EFCAB6: variants seen among roughly 807,000 people sequenced by gnomAD.
The protein encoded by EFCAB6 is EF-hand calcium-binding domain-containing protein 6.
In EFCAB6, 156 loss-of-function variants were observed where a neutral mutation model predicts 169.8. The ratio of observed to expected loss-of-function variants is 0.92; its 90% CI spans 0.81 to 1.05. The LOEUF (loss-of-function observed/expected upper bound fraction) is 1.05, where lower values mean the gene tolerates loss of function less well. Among genes scored for constraint, EFCAB6 ranks in the 50% least tolerant of loss-of-function variants. The probability of loss-of-function intolerance (pLI) is 0.00; values close to 1 mark genes in which losing one functional copy is unlikely to be tolerated. For synonymous variants in EFCAB6, 698 were observed against 676.4 expected (o/e 1.03, Z -0.50); for missense variants, 1,800 against 1,829.1 (o/e 0.98, Z 0.29).
intron 9 of EFCAB6, among the ~76,000 whole-genome samples, chr22:43,715,897 A>G (rs1272132340): frequency 6.6e-6 from 1 of 152,198 alleles, no homozygotes; most frequent in Non-Finnish European, 1.5e-5. Context: ...CTGCATTGAC[A>G]TCCGTCTATT....
intron 17 of EFCAB6, among the ~76,000 whole-genome samples, chr22:43,662,360 G>A (rs1403586932): frequency 6.6e-6 from 1 of 151,986 alleles, no homozygotes. Context: ...TCCGGGGTAG[G>A]CAGCCACCCT....
intron 2 of EFCAB6, among the ~76,000 whole-genome samples, chr22:43,796,700 A>G (rs1474116632): frequency 2.6e-5 from 4 of 152,212 alleles, no homozygotes. Flanking sequence ...CCCAGCTCCT[A>G]TAAGCAGACA....
chr22:43,672,127 C>A lies in EFCAB6; in HGVS notation c.1486G>T (p.Glu496Ter), dbSNP rs1362738890. The A allele has an allele frequency of 6.2e-7, 1 of 1,613,098 alleles. No individual in the cohort carries two copies. Among genetic ancestry groups the A allele is most frequent in the East Asian group, 2.2e-5 (1 of 44,872 alleles). ...PFLLAWDSVEEIVHDTITRNL... is the reference protein window; with the variant it reads ...PFLLAWDSVE The stretch of plus-strand genomic sequence containing the variant: ...CTAGTAATTGTATCATGAACAATTT[C>A]TTCCACCTAACATTAAAAAACAAAC... The change falls in exon 15 of 32, where the codon GAA becomes TAA. Residue 496 changes from glutamate (E) to a stop codon, truncating the protein, a stop_gained. Coordinates refer to ENST00000262726, the MANE Select transcript of EFCAB6 (RefSeq NM_022785.4). LOFTEE classifies it high-confidence loss of function.
chr22:43,781,138 G>A (rs752574001), intron 3 of EFCAB6, among the ~76,000 whole-genome samples: 1 of 152,096 alleles, frequency 6.6e-6, no homozygotes, highest in African/African-American at 2.4e-5. Context: ...GTAAATGGAG[G>A]AACTAATACA....
At chr22:43,711,369 A>T in intron 10 of EFCAB6, 106 bp downstream of exon 10, 1 of 1,191,222 alleles carries the variant, frequency 8.4e-7, no homozygotes, top group Non-Finnish European at 1.1e-6. Context: ...TTAAATTTTC[A>T]GTAATAAAAA....
intron 10 of EFCAB6, among the ~76,000 whole-genome samples, chr22:43,693,059 A>T (rs1217856776): frequency 2.0e-5 from 3 of 152,196 alleles, no homozygotes; most frequent in African/African-American, 7.2e-5. Flanking sequence ...TCAAAACAAC[A>T]GAAGTGGAAA....
chr22:43,576,185 A>G, intron 26 of EFCAB6, 112 bp downstream of exon 26: 1 of 837,924 alleles, frequency 1.2e-6, no homozygotes, highest in Middle Eastern at 3.7e-4. Flanking sequence ...TGAGCTAATT[A>G]CATGAGGTGA....
intron 8 of EFCAB6, among the ~76,000 whole-genome samples, chr22:43,729,991 T>C (rs2059878763): frequency 6.6e-6 from 1 of 150,864 alleles, no homozygotes; most frequent in South Asian, 2.1e-4. Context: ...TGAGACCCTG[T>C]CTCTAGAATT....
At chr22:43,543,838 G>T (rs963705286) in intron 27 of EFCAB6, among the ~76,000 whole-genome samples, 2 of 152,156 alleles carry the variant, frequency 1.3e-5, no homozygotes, top group Non-Finnish European at 2.9e-5. Context: ...GCGCAGGAAT[G>T]CTGAGAAGAC....
intron 22 of EFCAB6, among the ~76,000 whole-genome samples, chr22:43,602,012 C>T (rs910943474): frequency 6.6e-5 from 10 of 152,250 alleles, no homozygotes; most frequent in African/African-American, 1.7e-4. Flanking sequence ...CGACGTCCTC[C>T]GCTACTTTGC....
In EFCAB6 at chr22:43,632,086, C is replaced by T. The variant is rs1053075317; in HGVS notation, c.2232+19G>A. ...AGGGGAGGCCTAGAGAAGCCCAGCG[C>T]CAGACAGTCACGGTTTACCCGGAAT... On this transcript the variant is annotated intron_variant, in intron 19 of 31. Coordinates refer to ENST00000262726, the MANE Select transcript of EFCAB6 (RefSeq NM_022785.4). The T allele has an allele frequency of 1.9e-6, 3 of 1,612,410 alleles. No individual in the cohort carries two copies. Among genetic ancestry groups the T allele is most frequent in the Admixed American group, 3.3e-5 (2 of 59,872 alleles).
intron 23 of EFCAB6, among the ~76,000 whole-genome samples, chr22:43,599,509 CAAAAAAAAAAAAAAAAAAAAAAAAAAAAA>C (rs58130994): frequency 2.3e-5 from 1 of 44,226 alleles, no homozygotes; most frequent in Non-Finnish European, 4.1e-5. Flanking sequence ...GATTCCATCT[CAAAAAAAAAAAAAAAAAAAAAAAAAAAAA>C]AAAAAAAAAA....
intron 27 of EFCAB6, among the ~76,000 whole-genome samples, chr22:43,547,614 A>G (rs1231100954): frequency 6.6e-6 from 1 of 152,020 alleles, no homozygotes; most frequent in African/African-American, 2.4e-5. Context: ...AAACCATAAA[A>G]ATAAGCTGAG....
chr22:43,758,895 A>C (rs2061051117), intron 5 of EFCAB6, among the ~76,000 whole-genome samples: 1 of 152,232 alleles, frequency 6.6e-6, no homozygotes, highest in African/African-American at 2.4e-5. Context: ...AGAGGCATAC[A>C]AATTCAAGAT....
intron 6 of EFCAB6, among the ~76,000 whole-genome samples, chr22:43,746,819 T>C (rs1336283493): frequency 1.3e-5 from 2 of 152,224 alleles, no homozygotes; most frequent in East Asian, 3.8e-4. Flanking sequence ...TTCCTTTCTT[T>C]CTTACCCAGC....
At chr22:43,737,029 C>T (rs2060165914) in intron 6 of EFCAB6, among the ~76,000 whole-genome samples, 1 of 152,054 alleles carries the variant, frequency 6.6e-6, no homozygotes, top group Non-Finnish European at 1.5e-5. Context: ...CCATCAACAC[C>T]TTCGCTGCTT....
chr22:43,672,696 G>T (rs1453057167), intron 13 of EFCAB6, among the ~76,000 whole-genome samples: 3 of 152,086 alleles, frequency 2.0e-5, no homozygotes, highest in East Asian at 1.9e-4. Context: ...GAGAACAAGA[G>T]AATTTTCACC....
At chr22:43,688,053 C>T (rs772937277) in intron 10 of EFCAB6, among the ~76,000 whole-genome samples, 11 of 152,278 alleles carry the variant, frequency 7.2e-5, no homozygotes, top group Non-Finnish European at 1.0e-4. Flanking sequence ...TCCAAGTGGG[C>T]CCACTCTAAT....
chr22:43,687,781 G>T (rs924214788), intron 10 of EFCAB6, among the ~76,000 whole-genome samples, 200 bp from the exon 11 acceptor site: 9 of 152,152 alleles, frequency 5.9e-5, no homozygotes, highest in Admixed American at 2.0e-4. Context: ...ACTGATATTA[G>T]ATCTGCATGC....
Sources: gnomAD v4.1 joint callset for allele counts (sites outside exome capture counted in the v4.1 genomes callset) on GRCh38, gnomAD v4.1.1 for gene constraint, MANE v1.5 for transcripts, NCBI Gene and HGNC (gene_info 2026-07-23, HGNC 2026-07-21) for gene names.